SSBP3: variants seen among roughly 807,000 people sequenced by gnomAD.
SSBP3 encodes single stranded DNA binding protein 3.
SSBP3 carries 5 observed loss-of-function variants against 69.6 expected under a neutral mutation model. The observed-to-expected ratio is 0.07, with a 90% CI of 0.04 to 0.15. SSBP3 has a LOEUF of 0.15. Ranked by LOEUF, SSBP3 falls within the 10% of genes least tolerant of loss-of-function variation. SSBP3 has a pLI of 1.00. For missense variants in SSBP3, 312 were observed against 534.0 expected, an observed-to-expected ratio of 0.58 and a Z score of 4.10; for synonymous variants, 196 against 193.4, an observed-to-expected ratio of 1.01 and a Z score of -0.11.
chr1:54,365,307 G>T (rs1053755393), intron 4 of SSBP3, among the ~76,000 whole-genome samples: 1 of 152,166 alleles, frequency 6.6e-6, no homozygotes, highest in East Asian at 1.9e-4. Flanking sequence ...GTGAGGACAT[G>T]CTCTATCGTG....
At chr1:54,398,931 G>T (rs142067743) in intron 4 of SSBP3, among the ~76,000 whole-genome samples, 28 of 152,190 alleles carry the variant, frequency 1.8e-4, no homozygotes, top group African/African-American at 6.5e-4. Context: ...AAAACAGAAG[G>T]TCAGTCAACA....
intron 7 of SSBP3, among the ~76,000 whole-genome samples, chr1:54,256,439 G>A (rs1468601295): frequency 6.6e-6 from 1 of 152,178 alleles, no homozygotes; most frequent in Non-Finnish European, 1.5e-5. Context: ...GAACCAGGGA[G>A]GGTGGCATGG....
intron 4 of SSBP3, among the ~76,000 whole-genome samples, chr1:54,284,363 T>C (rs1001503759): frequency 1.3e-5 from 2 of 152,102 alleles, no homozygotes; most frequent in African/African-American, 2.4e-5. Flanking sequence ...CATTGGCCAC[T>C]TGTAGATCTA....
Position 54,333,538 on chromosome 1 carries a change from C to T in SSBP3, c.277-52011G>A, listed in dbSNP as rs180850607. On this transcript the variant is annotated intron_variant, in intron 4 of 17. Transcript: ENST00000610401. Reference sequence around the variant, plus strand: ...CTGTAAATCCCAGCACTTTGGGAGGCTGAGGGAACATAGTGAGACCCCGTT... The same window carrying T: ...CTGTAAATCCCAGCACTTTGGGAGGTTGAGGGAACATAGTGAGACCCCGTT... 7.9e-5 allele frequency among the ~76,000 whole-genome samples: 12 copies of T among 152,244 alleles called. No homozygotes were observed. The East Asian group carries it at 2.1e-3, about 27-fold the overall frequency.
Position 54,377,322 on chromosome 1 carries a change from C to A in SSBP3, c.276+24539G>T, listed in dbSNP as rs184837942. Among the ~76,000 whole-genome samples the A allele has an allele frequency of 1.7e-3, 254 of 152,348 alleles. 15 individuals are homozygous for A. In the South Asian group the frequency reaches 0.041, roughly 24 times the overall value. ...AGCCCTCAAGGTTACTCCGTAAACC[C>A]GAAGGGCAGGAGTGCTCCAACAGCC... On this transcript the variant is annotated intron_variant, in intron 4 of 17. Transcript: ENST00000610401.
intron 5 of SSBP3, among the ~76,000 whole-genome samples, chr1:54,278,710 G>A (rs1449194335): frequency 6.6e-6 from 1 of 152,232 alleles, no homozygotes; most frequent in African/African-American, 2.4e-5. Flanking sequence ...CCAGGGTCTG[G>A]CCATAGCTGG....
chr1:54,275,908 G>C (rs971628099), intron 5 of SSBP3, among the ~76,000 whole-genome samples: 1 of 152,164 alleles, frequency 6.6e-6, no homozygotes, highest in Non-Finnish European at 1.5e-5. Flanking sequence ...GCAGGAGATG[G>C]GGAAAGATTT....
At chr1:54,232,252 C>G (rs1255182604) in intron 14 of SSBP3, among the ~76,000 whole-genome samples, 3 of 152,134 alleles carry the variant, frequency 2.0e-5, no homozygotes, top group Non-Finnish European at 2.9e-5. Context: ...TCCTCTGATA[C>G]AGAAATAACT....
chr1:54,308,356 CT>C (rs1044084033), intron 4 of SSBP3, among the ~76,000 whole-genome samples: 2 of 151,980 alleles, frequency 1.3e-5, no homozygotes, highest in African/African-American at 4.8e-5. Context: ...AATCCCAGCA[CT>C]TTGGGAGGCC....
intron 4 of SSBP3, among the ~76,000 whole-genome samples, chr1:54,344,781 G>GCAGGAGGATCACTTCAGCT (rs1646662146): frequency 6.6e-6 from 1 of 152,236 alleles, no homozygotes; most frequent in Non-Finnish European, 1.5e-5. Flanking sequence ...GGAGGCCAAA[G>GCAGGAGGATCACTTCAGCT]CAGGAGGATC....
In SSBP3 at chr1:54,357,732, T is replaced by A. The variant is rs1569923287; in HGVS notation, c.276+44129A>T. ...GCCTGGTTAACATAGCAAGACCTTTTCTCTCACAAAATAAATGAAGTCCTA... is the reference window on the plus strand; with the variant it reads ...GCCTGGTTAACATAGCAAGACCTTTACTCTCACAAAATAAATGAAGTCCTA... On this transcript the variant is annotated intron_variant, in intron 4 of 17. Transcript: ENST00000610401. 2.6e-5 allele frequency among the ~76,000 whole-genome samples: 4 copies of A among 152,192 alleles called. No individual in the cohort carries two copies. In the South Asian group the frequency reaches 8.3e-4, roughly 31 times the overall value.
intron 7 of SSBP3, among the ~76,000 whole-genome samples, chr1:54,252,710 A>G (rs572286510): frequency 3.9e-5 from 6 of 152,334 alleles, no homozygotes; most frequent in African/African-American, 1.4e-4. Flanking sequence ...ATGAAAAGCA[A>G]TTTACTTGAG....
At chr1:54,250,133 G>A (rs1265377336) in intron 9 of SSBP3, among the ~76,000 whole-genome samples, 2 of 152,226 alleles carry the variant, frequency 1.3e-5, no homozygotes, top group African/African-American at 4.8e-5. Context: ...GCAGAGGTCA[G>A]CTCCAGGCGG....
chr1:54,386,682 A>ATTTTTTTTTTTTTTTTTTTTTT (rs1648104342), intron 4 of SSBP3, among the ~76,000 whole-genome samples: 1 of 55,052 alleles, frequency 1.8e-5, no homozygotes, highest in Non-Finnish European at 3.1e-5. Context: ...AACTGATCCT[A>ATTTTTTTTTTTTTTTTTTTTTT]CTTTTTTTTT....
chr1:54,410,634 G>C (rs1649963781), upstream of SSBP3, among the ~76,000 whole-genome samples: 2 of 152,156 alleles, frequency 1.3e-5, no homozygotes, highest in Non-Finnish European at 2.9e-5. Context: ...GAGGGATCGG[G>C]GGCCTCCACA....
At chr1:54,345,772 G>A (rs1646678862) in intron 4 of SSBP3, among the ~76,000 whole-genome samples, 3 of 151,868 alleles carry the variant, frequency 2.0e-5, no homozygotes, top group Admixed American at 6.6e-5. Context: ...CCTGGAGGCT[G>A]AGGCGGGCAG....
intron 4 of SSBP3, among the ~76,000 whole-genome samples, chr1:54,387,882 C>T (rs913079386): frequency 2.6e-5 from 4 of 152,104 alleles, no homozygotes; most frequent in African/African-American, 9.7e-5. Context: ...AGCAAGGCCC[C>T]GAGCCAGAAC....
chr1:54,356,024 G>C (rs116255381), intron 4 of SSBP3, among the ~76,000 whole-genome samples: 5 of 152,320 alleles, frequency 3.3e-5, no homozygotes, highest in African/African-American at 1.2e-4. Context: ...ACCAGCTGGA[G>C]AGGCAGCCTC....
At chr1:54,329,833 C>A (rs570063873) in intron 4 of SSBP3, among the ~76,000 whole-genome samples, 1 of 152,178 alleles carries the variant, frequency 6.6e-6, no homozygotes, top group Non-Finnish European at 1.5e-5. Context: ...GGTTGGCTGT[C>A]CTTCTCACCC....
Sources: allele counts gnomAD v4.1 joint callset (sites outside exome capture counted in the v4.1 genomes callset), GRCh38; gene constraint gnomAD v4.1.1; transcripts MANE v1.5; gene names NCBI Gene and HGNC (gene_info 2026-07-23, HGNC 2026-07-21).